Variants in CADM2 observed in about 807,000 individuals in gnomAD.
The protein encoded by CADM2 is cell adhesion molecule 2.
In CADM2, 12 loss-of-function variants were observed where a neutral mutation model predicts 49.8. That is an observed-to-expected ratio of 0.24 (90% confidence interval 0.15 to 0.39). CADM2 has a LOEUF of 0.39. Ranked by LOEUF, CADM2 falls within the 10% of genes least tolerant of loss-of-function variation. The pLI is 1.00. For synonymous variants in CADM2, 214 were observed against 175.4 expected (o/e 1.22, Z -1.74); for missense variants, 378 against 492.3 (o/e 0.77, Z 2.20).
At chr3:85,281,392 T>C (rs1376234354) in intron 1 of CADM2, among the ~76,000 whole-genome samples, 1 of 152,068 alleles carries the variant, frequency 6.6e-6, no homozygotes, top group Non-Finnish European at 1.5e-5. Flanking sequence ...TTTCTGTCGA[T>C]CAAACCTATT....
chr3:85,496,906 C>G (rs966927773), intron 1 of CADM2, among the ~76,000 whole-genome samples: 1 of 152,130 alleles, frequency 6.6e-6, no homozygotes, highest in Non-Finnish European at 1.5e-5. Flanking sequence ...TGCAATGGCG[C>G]CATCTCGGCT....
intron 1 of CADM2, among the ~76,000 whole-genome samples, chr3:84,983,332 C>T (rs1330845850): frequency 6.8e-6 from 1 of 147,966 alleles, no homozygotes; most frequent in African/African-American, 2.5e-5. Context: ...AGTTTGTTTT[C>T]TTCTCCTGGA....
At chr3:85,873,581 G>C (rs1039867254) in intron 3 of CADM2, among the ~76,000 whole-genome samples, 2 of 152,098 alleles carry the variant, frequency 1.3e-5, no homozygotes, top group Non-Finnish European at 2.9e-5. Context: ...CAGGAGAATC[G>C]CTGGAACCAG....
At chr3:85,719,559 T>G (rs141134960) in intron 1 of CADM2, among the ~76,000 whole-genome samples, 14 of 152,322 alleles carry the variant, frequency 9.2e-5, no homozygotes, top group African/African-American at 3.4e-4. Context: ...AAGAGAATCA[T>G]AAAGAGGAGA....
chr3:85,396,399 T>G (rs1251083341), intron 1 of CADM2, among the ~76,000 whole-genome samples: 1 of 152,002 alleles, frequency 6.6e-6, no homozygotes, highest in Non-Finnish European at 1.5e-5. Context: ...TAACTTAGTT[T>G]TATTATTTCC....
At chr3:85,167,050 A>G (rs1338250238) in intron 1 of CADM2, among the ~76,000 whole-genome samples, 1 of 152,086 alleles carries the variant, frequency 6.6e-6, no homozygotes, top group East Asian at 1.9e-4. Flanking sequence ...AGATTGCATG[A>G]TAAAAAATAT....
rs556184093 is a variant in CADM2 at position 84,959,480 on chromosome 3, A to G, written c.-128A>G. 7 of 877,716 alleles carry G rather than the reference A, an allele frequency of 8.0e-6. No homozygotes were observed. Among genetic ancestry groups the G allele is most frequent in the Non-Finnish European group, 8.8e-6 (5 of 571,042 alleles). The allele number at this position is 877,716 out of a possible 1,614,324, so 54.4% of individuals were successfully genotyped here. On this transcript the variant is annotated 5_prime_UTR_variant, in exon 1 of 10. Coordinates refer to ENST00000383699, the MANE Select transcript of CADM2 (RefSeq NM_001167675.2). Reference sequence around the variant, plus strand: ...CCGAGTCCGCGGGTTCGAACACCGCAGCGGTGGGGACGGTGGGTCCGGCGG... The same window carrying G: ...CCGAGTCCGCGGGTTCGAACACCGCGGCGGTGGGGACGGTGGGTCCGGCGG...
chr3:85,679,304 GA>G (rs2065972860), intron 1 of CADM2, among the ~76,000 whole-genome samples: 1 of 152,048 alleles, frequency 6.6e-6, no homozygotes, highest in African/African-American at 2.4e-5. Context: ...AGAGGATCTA[GA>G]GGGGGAAAAA....
intron 1 of CADM2, among the ~76,000 whole-genome samples, chr3:85,518,557 G>T (rs2060956825): frequency 6.6e-6 from 1 of 152,040 alleles, no homozygotes; most frequent in Admixed American, 6.6e-5. Flanking sequence ...CTGGGAGCTG[G>T]AAGTCTGAAA....
At chr3:85,267,227 G>T (rs1363315553) in intron 1 of CADM2, among the ~76,000 whole-genome samples, 1 of 151,696 alleles carries the variant, frequency 6.6e-6, no homozygotes, top group Non-Finnish European at 1.5e-5. Context: ...GAGAAATGTT[G>T]AGTAAAATGT....
intron 2 of CADM2, among the ~76,000 whole-genome samples, chr3:85,780,823 G>C (rs2070602112): frequency 1.3e-5 from 2 of 152,172 alleles, no homozygotes; most frequent in East Asian, 1.9e-4. Flanking sequence ...CCCTGTATCT[G>C]TTCCCTCAGG....
chr3:85,710,269 G>T (rs2067077348), intron 1 of CADM2, among the ~76,000 whole-genome samples: 1 of 152,064 alleles, frequency 6.6e-6, no homozygotes, highest in South Asian at 2.1e-4. Context: ...TGTCTGGAAA[G>T]ACTTCTCTTG....
chr3:85,735,209 G>C (rs546562195), intron 2 of CADM2, among the ~76,000 whole-genome samples: 11 of 152,116 alleles, frequency 7.2e-5, no homozygotes, highest in Non-Finnish European at 1.6e-4. Flanking sequence ...CTTGGGCAGA[G>C]TAGAAAAGAC....
intron 8 of CADM2, among the ~76,000 whole-genome samples, chr3:86,017,711 C>T (rs1055442031): frequency 2.0e-5 from 3 of 149,678 alleles, no homozygotes; most frequent in Non-Finnish European, 3.0e-5. Flanking sequence ...TTGGGCGACA[C>T]CAGGAGACCC....
chr3:85,646,865 G>A (rs1377063377), intron 1 of CADM2, among the ~76,000 whole-genome samples: 2 of 151,836 alleles, frequency 1.3e-5, no homozygotes, highest in Non-Finnish European at 1.5e-5. Flanking sequence ...AATTAACACA[G>A]GGCAATAAAT....
At chr3:85,656,532 CTT>C (rs2065202638) in intron 1 of CADM2, among the ~76,000 whole-genome samples, 1 of 152,122 alleles carries the variant, frequency 6.6e-6, no homozygotes, top group South Asian at 2.1e-4. Flanking sequence ...AGGAGAATCA[CTT>C]AAACCTGAGA....
chr3:85,134,419 C>T (rs961040249), intron 1 of CADM2, among the ~76,000 whole-genome samples: 3 of 152,242 alleles, frequency 2.0e-5, no homozygotes, highest in South Asian at 2.1e-4. Context: ...CACGCTGTCA[C>T]CTCTCAATAC....
chr3:85,557,482 T>TA (rs2061989679), intron 1 of CADM2, among the ~76,000 whole-genome samples: 1 of 42,148 alleles, frequency 2.4e-5, no homozygotes. Flanking sequence ...TGAGCAAGAG[T>TA]TTTTTTGGAA....
chr3:85,484,940 A>G (rs1240505606), intron 1 of CADM2, among the ~76,000 whole-genome samples: 1 of 151,972 alleles, frequency 6.6e-6, no homozygotes, highest in East Asian at 1.9e-4. Context: ...GCAGTTTGCC[A>G]GTGTAGCACA....
Sources: gnomAD v4.1 joint callset for allele counts (sites outside exome capture counted in the v4.1 genomes callset) on GRCh38, gnomAD v4.1.1 for gene constraint, MANE v1.5 for transcripts, NCBI Gene and HGNC (gene_info 2026-07-23, HGNC 2026-07-21) for gene names.